LRP1B: variants seen among roughly 807,000 people sequenced by gnomAD.
LRP1B encodes the protein low-density lipoprotein receptor-related protein 1B.
Under a neutral mutation model 556.6 loss-of-function variants are expected in LRP1B, and 217 were observed. The observed-to-expected ratio is 0.39, with a 90% confidence interval of 0.35 to 0.44. The LOEUF is 0.44. LRP1B is among the 20% of genes least tolerant of loss of function. The pLI, the probability that LRP1B is intolerant of heterozygous loss-of-function variation, is 1.00. For missense variants in LRP1B, 5,053 were observed against 5,620.8 expected (o/e 0.90, Z 3.23); for synonymous variants, 2,047 against 1,865.8 (o/e 1.10, Z -2.50).
intron 41 of LRP1B, among the ~76,000 whole-genome samples, chr2:140,613,981 A>G (rs1683171740): frequency 6.6e-6 from 1 of 152,118 alleles, no homozygotes; most frequent in African/African-American, 2.4e-5. Flanking sequence ...CAATCATCAG[A>G]AAAGATAGGA....
chr2:141,503,893 A>C (rs138244575), intron 2 of LRP1B, among the ~76,000 whole-genome samples: 254 of 152,276 alleles, frequency 1.7e-3, no homozygotes, highest in African/African-American at 5.8e-3. Flanking sequence ...AGCACTCCTT[A>C]ATATATTTAA....
chr2:140,500,815 G>A (rs966548785), intron 55 of LRP1B, among the ~76,000 whole-genome samples: 2 of 151,830 alleles, frequency 1.3e-5, no homozygotes, highest in Admixed American at 1.3e-4. Flanking sequence ...ATACATGTGC[G>A]CAGTACCCCC....
At chr2:140,697,446 ACT>A (rs1686471752) in intron 41 of LRP1B, among the ~76,000 whole-genome samples, 2 of 151,012 alleles carry the variant, frequency 1.3e-5, no homozygotes, top group South Asian at 2.1e-4. Context: ...GCATTACAAC[ACT>A]CTCGTTTTTT....
intron 83 of LRP1B, among the ~76,000 whole-genome samples, chr2:140,305,314 T>C (rs1388539566): frequency 6.6e-6 from 1 of 152,218 alleles, no homozygotes; most frequent in Non-Finnish European, 1.5e-5. Flanking sequence ...CATTTGTTTG[T>C]GTCCTCTTTT....
rs1352612363 is a variant in LRP1B, at chr2:141,020,032, A to G, written c.1860T>C (p.His620=). ...GNNLYWTNDG[H]RKTINVARLE... ...GCCTGGCCACATTAATGGTTTTCCT[A>G]TGGCCATCATTGGTCCAGTAAAGAT... Residue 620 remains histidine, a synonymous_variant, in exon 12 of 91, where the codon CAT becomes CAC. Coordinates refer to ENST00000389484, the MANE Select transcript of LRP1B (RefSeq NM_018557.3). 9.3e-6 allele frequency: 15 copies of G among 1,611,832 alleles called. No homozygotes were observed. Among genetic ancestry groups the G allele is most frequent in the Middle Eastern group, 1.6e-4 (1 of 6,064 alleles).
At chr2:142,024,620 G>GTTTTTTTTTT (rs3041443) in intron 1 of LRP1B, among the ~76,000 whole-genome samples, 4 of 131,018 alleles carry the variant, frequency 3.1e-5, no homozygotes, top group South Asian at 2.5e-4. Context: ...CAGCTGAAAT[G>GTTTTTTTTTT]TTTTTTTTTT....
intron 60 of LRP1B, among the ~76,000 whole-genome samples, chr2:140,458,137 A>C (rs1199115462): frequency 1.3e-5 from 2 of 152,128 alleles, no homozygotes. Context: ...AAATGTGTCT[A>C]CTACCTGGAA....
At chr2:141,900,558 A>G (rs1699587737) in intron 1 of LRP1B, among the ~76,000 whole-genome samples, 1 of 152,012 alleles carries the variant, frequency 6.6e-6, no homozygotes, top group Admixed American at 6.6e-5. Context: ...TTCAGTTTCC[A>G]ATGAATTTCA....
At chr2:140,245,144 T>G (rs1361807517) in intron 87 of LRP1B, among the ~76,000 whole-genome samples, 2 of 151,410 alleles carry the variant, frequency 1.3e-5, no homozygotes, top group African/African-American at 4.8e-5. Flanking sequence ...CTATTAAATT[T>G]CATGACTTTA....
chr2:140,498,358 C>T (rs1689038213), intron 55 of LRP1B, among the ~76,000 whole-genome samples: 1 of 151,782 alleles, frequency 6.6e-6, no homozygotes, highest in African/African-American at 2.4e-5. Flanking sequence ...CATTTTATTT[C>T]TACTGTATAC....
At chr2:140,628,009 C>G (rs1216021006) in intron 41 of LRP1B, among the ~76,000 whole-genome samples, 2 of 152,172 alleles carry the variant, frequency 1.3e-5, no homozygotes, top group Non-Finnish European at 2.9e-5. Context: ...TGTTAAGCAA[C>G]AGAAACAAAG....
intron 23 of LRP1B, among the ~76,000 whole-genome samples, chr2:140,901,434 G>A (rs929919824): frequency 9.2e-5 from 14 of 151,650 alleles, no homozygotes; most frequent in African/African-American, 3.4e-4. Context: ...TTTACCCCCT[G>A]TGCCAATGGC....
chr2:140,692,272 T>C (rs1299458606), intron 41 of LRP1B, among the ~76,000 whole-genome samples: 1 of 152,130 alleles, frequency 6.6e-6, no homozygotes, highest in African/African-American at 2.4e-5. Context: ...TTTTATTGTG[T>C]TGTATTATTT....
intron 1 of LRP1B, among the ~76,000 whole-genome samples, chr2:142,033,311 C>T (rs1207040794): frequency 6.6e-6 from 1 of 151,666 alleles, no homozygotes; most frequent in Non-Finnish European, 1.5e-5. Flanking sequence ...CTGACTTTCC[C>T]ATTCTAGACG....
chr2:141,466,009 C>T (rs1471344927), intron 3 of LRP1B, among the ~76,000 whole-genome samples: 1 of 152,090 alleles, frequency 6.6e-6, no homozygotes, highest in Non-Finnish European at 1.5e-5. Flanking sequence ...CTGCCTCAGC[C>T]TCCCGAGTAG....
chr2:140,344,337 C>T (rs1417490550), intron 77 of LRP1B, among the ~76,000 whole-genome samples: 1 of 151,674 alleles, frequency 6.6e-6, no homozygotes, highest in East Asian at 1.9e-4. Context: ...AACCTAGGTG[C>T]CTTCAGCAAA....
At chr2:140,815,005 C>A (rs1395016450) in intron 31 of LRP1B, among the ~76,000 whole-genome samples, 1 of 152,034 alleles carries the variant, frequency 6.6e-6, no homozygotes, top group Non-Finnish European at 1.5e-5. Flanking sequence ...CTCTGTAGAA[C>A]CATGTTGACC....
intron 2 of LRP1B, among the ~76,000 whole-genome samples, chr2:141,579,561 A>G (rs1485180116): frequency 6.6e-6 from 1 of 152,118 alleles, no homozygotes; most frequent in Non-Finnish European, 1.5e-5. Flanking sequence ...ATAATAAATC[A>G]GAATCTGGGG....
intron 43 of LRP1B, among the ~76,000 whole-genome samples, chr2:140,562,658 T>C (rs192766263): frequency 1.3e-5 from 2 of 152,310 alleles, no homozygotes; most frequent in East Asian, 3.9e-4. Flanking sequence ...TCTTGCTCTG[T>C]CACCCAGGCT....
Sources: allele counts gnomAD v4.1 joint callset (sites outside exome capture counted in the v4.1 genomes callset), GRCh38; gene constraint gnomAD v4.1.1; transcripts MANE v1.5; gene names NCBI Gene and HGNC (gene_info 2026-07-23, HGNC 2026-07-21).